GNAO1: variants seen among roughly 807,000 people sequenced by gnomAD.
GNAO1 encodes G protein subunit alpha o1, also known as guanine nucleotide-binding protein G(o) subunit alpha.
For synonymous variants in GNAO1, 164 were observed against 180.7 expected (o/e 0.91, Z 0.74); for missense variants, 166 against 478.7 (o/e 0.35, Z 6.10).
chr16:56,296,633 A>T (rs1165625237), intron 3 of GNAO1, among the ~76,000 whole-genome samples: 3 of 152,056 alleles, frequency 2.0e-5, no homozygotes, highest in Non-Finnish European at 4.4e-5. Context: ...GGTCACCCTC[A>T]CCCTAGAACC....
intron 2 of GNAO1, 135 bp downstream of exon 2, chr16:56,192,751 C>CA (rs1567432253): frequency 1.5e-5 from 10 of 647,690 alleles, no homozygotes; most frequent in African/African-American, 7.4e-5. Flanking sequence ...CACACACACA[C>CA]CCCTATATTT....
intron 3 of GNAO1, among the ~76,000 whole-genome samples, chr16:56,318,463 T>G (rs767241902): frequency 2.0e-5 from 3 of 152,070 alleles, no homozygotes; most frequent in Non-Finnish European, 2.9e-5. Flanking sequence ...CAGCTCACGC[T>G]CCCTCTCCCA....
At chr16:56,319,611 A>G (rs2037551948) in intron 3 of GNAO1, among the ~76,000 whole-genome samples, 1 of 152,122 alleles carries the variant, frequency 6.6e-6, no homozygotes, top group Admixed American at 6.5e-5. Flanking sequence ...CTTCCCCAGC[A>G]CACTCGTGAC....
At chr16:56,209,326 A>G (rs1434420218) in intron 2 of GNAO1, among the ~76,000 whole-genome samples, 2 of 152,226 alleles carry the variant, frequency 1.3e-5, no homozygotes, top group African/African-American at 4.8e-5. Context: ...ATTGGACTCT[A>G]TTCTTATGAC....
chr16:56,334,659 G>A, intron 4 of GNAO1, 70 bp from the exon 5 acceptor site: 1 of 1,536,246 alleles, frequency 6.5e-7, no homozygotes, highest in East Asian at 2.3e-5. Context: ...TCTGAAGATG[G>A]GTGGCCTGGC....
At chr16:56,212,343 A>G (rs917295298) in intron 2 of GNAO1, among the ~76,000 whole-genome samples, 5 of 152,174 alleles carry the variant, frequency 3.3e-5, no homozygotes, top group African/African-American at 1.2e-4. Flanking sequence ...CCTAAGGGCA[A>G]TTGTACAGAT....
chr16:56,225,399 G>A (rs2036525062), intron 2 of GNAO1, among the ~76,000 whole-genome samples: 1 of 152,344 alleles, frequency 6.6e-6, no homozygotes, highest in South Asian at 2.1e-4. Flanking sequence ...GCTTGCCATG[G>A]TTTACTGCAG....
intron 4 of GNAO1, among the ~76,000 whole-genome samples, chr16:56,332,780 G>T (rs1435693975): frequency 3.9e-5 from 6 of 152,252 alleles, no homozygotes; most frequent in Admixed American, 3.3e-4. Context: ...TCTAAAGGAG[G>T]TTTGCCCTGG....
chr16:56,281,276 TAA>T (rs2037111551), intron 3 of GNAO1, among the ~76,000 whole-genome samples: 1 of 152,112 alleles, frequency 6.6e-6, no homozygotes, highest in Admixed American at 6.5e-5. Context: ...TCCTTCATCC[TAA>T]GTCTCTCTAA....
chr16:56,259,646 G>A (rs921833699), intron 2 of GNAO1, among the ~76,000 whole-genome samples: 7 of 152,216 alleles, frequency 4.6e-5, no homozygotes, highest in Non-Finnish European at 8.8e-5. Context: ...CATGCGTCTG[G>A]CACTGGCCAG....
At chr16:56,257,493 G>A (rs557528876) in intron 2 of GNAO1, among the ~76,000 whole-genome samples, 7 of 152,230 alleles carry the variant, frequency 4.6e-5, no homozygotes, top group African/African-American at 1.7e-4. Context: ...AACATGGACC[G>A]TGGCCAACCT....
At chr16:56,322,013 A>G (rs943219358) in intron 3 of GNAO1, among the ~76,000 whole-genome samples, 5 of 152,266 alleles carry the variant, frequency 3.3e-5, no homozygotes, top group South Asian at 4.1e-4. Context: ...GCAGATCACT[A>G]TCAGGTGGGG....
rs563924048 is a variant in GNAO1, at chr16:56,258,024, G to GA, written c.162-17900dup. On this transcript the variant is annotated intron_variant, in intron 2 of 8. Coordinates refer to ENST00000262493, the MANE Select transcript of GNAO1 (RefSeq NM_020988.3). ...CTGATTTATAAATGTTTGCTTAAAG[G>GA]AAAAAAATAAAAAGAAAAGAAAAAC... Among the ~76,000 whole-genome samples, 24 of 152,162 alleles carry GA rather than the reference G, an allele frequency of 1.6e-4. No individual in the cohort carries two copies. The South Asian group carries it at 4.6e-3, about 29-fold the overall frequency.
At chr16:56,214,699 C>G (rs1378751711) in intron 2 of GNAO1, among the ~76,000 whole-genome samples, 1 of 152,204 alleles carries the variant, frequency 6.6e-6, no homozygotes, top group African/African-American at 2.4e-5. Context: ...GATGAGAATG[C>G]CTTGGAAGAA....
chr16:56,228,746 C>T (rs961995699), intron 2 of GNAO1, among the ~76,000 whole-genome samples: 1 of 152,208 alleles, frequency 6.6e-6, no homozygotes, highest in Admixed American at 6.5e-5. Flanking sequence ...CATCTCCTGG[C>T]CACACTGCCC....
At chr16:56,308,630 G>A (rs1304483348) in intron 3 of GNAO1, among the ~76,000 whole-genome samples, 2 of 152,158 alleles carry the variant, frequency 1.3e-5, no homozygotes, top group African/African-American at 4.8e-5. Context: ...AGCAAGAAGG[G>A]GTTTGAGGAC....
intron 3 of GNAO1, among the ~76,000 whole-genome samples, chr16:56,280,541 T>G (rs111724036): frequency 5.9e-5 from 9 of 151,952 alleles, no homozygotes; most frequent in African/African-American, 2.2e-4. Context: ...AAGTGAAATT[T>G]TAGGAAATTA....
chr16:56,239,974 T>C (rs1382362), intron 2 of GNAO1, among the ~76,000 whole-genome samples: 103,581 of 152,132 alleles, frequency 0.68, 35,802 homozygotes, highest in African/African-American at 0.79. Context: ...CAAAGATGTT[T>C]ATAGGTCAGG....
intron 6 of GNAO1, among the ~76,000 whole-genome samples, chr16:56,339,204 C>A (rs1477284176): frequency 1.3e-5 from 2 of 152,258 alleles, no homozygotes; most frequent in Admixed American, 6.5e-5. Flanking sequence ...AGGTGGACAG[C>A]TTGGGAGTCA....
Sources: gnomAD v4.1 joint callset for allele counts (sites outside exome capture counted in the v4.1 genomes callset) on GRCh38, gnomAD v4.1.1 for gene constraint, MANE v1.5 for transcripts, NCBI Gene and HGNC (gene_info 2026-07-23, HGNC 2026-07-21) for gene names.